MEI1: variants seen among roughly 807,000 people sequenced by gnomAD.
The protein encoded by MEI1 is meiotic double-stranded break formation protein 1.
Under a neutral mutation model 146.2 loss-of-function variants are expected in MEI1, and 103 were observed. That is an observed-to-expected ratio of 0.70 (90% confidence interval 0.60 to 0.83). MEI1 has a LOEUF of 0.83. MEI1 is among the 40% of genes least tolerant of loss of function. The probability of loss-of-function intolerance (pLI) is 0.00; values close to 1 mark genes in which losing one functional copy is unlikely to be tolerated. For synonymous variants in MEI1, 652 were observed against 628.2 expected (o/e 1.04, Z -0.57); for missense variants, 1,529 against 1,533.0 (o/e 1.00, Z 0.04).
At chr22:41,784,579 A>G in intron 25 of MEI1, 29 bp from the exon 26 acceptor site, 13 of 1,607,986 alleles carry the variant, frequency 8.1e-6, no homozygotes, top group Non-Finnish European at 1.1e-5. Flanking sequence ...GGAGACAGGA[A>G]TTGGGTGTAA....
At chr22:41,738,187 G>A (rs969504525) in intron 11 of MEI1, among the ~76,000 whole-genome samples, 3 of 152,122 alleles carry the variant, frequency 2.0e-5, no homozygotes, top group African/African-American at 7.2e-5. Flanking sequence ...AGGCACAGTG[G>A]CTCATGCCTG....
chr22:41,757,747 ATGTG>A (rs1230553570), intron 17 of MEI1, among the ~76,000 whole-genome samples: 2 of 152,090 alleles, frequency 1.3e-5, no homozygotes, highest in Non-Finnish European at 2.9e-5. Context: ...CTGTCTCATT[ATGTG>A]TCTCTTCCCA....
At chr22:41,709,037 G>A (rs1442846327) in intron 3 of MEI1, among the ~76,000 whole-genome samples, 3 of 152,304 alleles carry the variant, frequency 2.0e-5, no homozygotes, top group Admixed American at 2.0e-4. Context: ...CCCCACATCA[G>A]TCCAGCTGTG....
At chr22:41,798,972 A>G (rs1347305977) in intron 30 of MEI1, among the ~76,000 whole-genome samples, 1 of 151,644 alleles carries the variant, frequency 6.6e-6, no homozygotes, top group Non-Finnish European at 1.5e-5. Context: ...CAGTCCAGAG[A>G]TACTGCAGTC....
chr22:41,714,326 G>T (rs986284463), intron 4 of MEI1, among the ~76,000 whole-genome samples: 2 of 152,018 alleles, frequency 1.3e-5, no homozygotes, highest in African/African-American at 2.4e-5. Flanking sequence ...CATCTTTCTG[G>T]CATAATCATC....
At chr22:41,784,813 C>T in intron 26 of MEI1, 30 bp downstream of exon 26, 1 of 1,539,872 alleles carries the variant, frequency 6.5e-7, no homozygotes, top group Non-Finnish European at 8.8e-7. Flanking sequence ...GGGCTTGCTT[C>T]TCCCAGGACA....
Position 41,754,063 on chromosome 22 carries a change from T to C in MEI1, c.1951+17T>C. 6.4e-7 allele frequency: 1 copy of C among 1,569,260 alleles called. No individual in the cohort carries two copies. The highest frequency in any genetic ancestry group is 8.8e-7 in the Non-Finnish European group (1 of 1,139,494). On this transcript the variant is annotated intron_variant, in intron 17 of 30. Coordinates refer to ENST00000401548, the MANE Select transcript of MEI1 (RefSeq NM_152513.4). ...CCAAAGAAGGTAAGATGCTACAATT[T>C]GACCACTCATGTGGCCTGTGCTGGT...
chr22:41,721,098 A>G (rs930521988), intron 6 of MEI1, among the ~76,000 whole-genome samples: 1 of 149,522 alleles, frequency 6.7e-6, no homozygotes, highest in African/African-American at 2.5e-5. Flanking sequence ...TATTTTTAGT[A>G]GAGATGGGGT....
Position 41,716,072 on chromosome 22 carries a change from T to C in MEI1, c.455T>C (p.Leu152Pro). The stretch of plus-strand genomic sequence containing the variant: ...AACATGCCCTCCATGCGAGGCAGCC[T>C]GGCCACCCTGACCCTTCTTGGCAAG... Reference protein sequence around the residue: ...LCNMPSMRGSLATLTLLGKLV... With the variant: ...LCNMPSMRGSPATLTLLGKLV... The change falls in exon 5 of 31, where the codon CTG becomes CCG. Residue 152 changes from leucine to proline, a missense_variant. Leu to Pro is a moderately conservative substitution (Grantham distance 98). Around this residue, in one of 3 missense-constraint regions of MEI1, gnomAD observed 1,212 missense variants for 1,178.9 expected, o/e 1.03. Coordinates refer to ENST00000401548, the MANE Select transcript of MEI1 (RefSeq NM_152513.4). The C allele has an allele frequency of 6.2e-7, 1 of 1,611,834 alleles. No homozygotes were observed. Among genetic ancestry groups the C allele is most frequent in the Non-Finnish European group, 8.5e-7 (1 of 1,179,038 alleles).
At chr22:41,774,131 CTGTT>C (rs1008544425) in intron 20 of MEI1, 9 of 152,224 alleles carry the variant, frequency 5.9e-5, no homozygotes, top group African/African-American at 1.2e-4. Context: ...CACAGAAACT[CTGTT>C]TGTTTCCTCT....
chr22:41,770,837 G>C lies in MEI1; in HGVS notation c.2420G>C (p.Trp807Ser), dbSNP rs1051458754. 3.7e-6 allele frequency: 6 copies of C among 1,613,966 alleles called. No homozygotes were observed. The highest frequency in any genetic ancestry group is 5.1e-6 in the Non-Finnish European group (6 of 1,179,896). ...GHRVLELWFF[W>S]EESSYEELDD... The stretch of plus-strand genomic sequence containing the variant: ...CGTGTCCTGGAACTTTGGTTCTTCT[G>C]GGAAGAGAGCAGCTATGAGGAACTG... Residue 807 changes from tryptophan to serine, a missense_variant, in exon 20 of 31, where the codon TGG (tryptophan) becomes TCG (serine). Trp to Ser is a radical substitution (Grantham distance 177). Coordinates refer to ENST00000401548, the MANE Select transcript of MEI1 (RefSeq NM_152513.4).
chr22:41,771,516 A>C (rs982200019), intron 20 of MEI1, among the ~76,000 whole-genome samples: 1 of 151,394 alleles, frequency 6.6e-6, no homozygotes, highest in African/African-American at 2.4e-5. Flanking sequence ...GCTCACTGCA[A>C]CCTCCACCTC....
intron 17 of MEI1, among the ~76,000 whole-genome samples, chr22:41,756,390 G>C (rs1486922900): frequency 6.6e-6 from 1 of 152,014 alleles, no homozygotes; most frequent in Non-Finnish European, 1.5e-5. Flanking sequence ...ACCTGCCTTG[G>C]ACTCCAAAGT....
chr22:41,725,173 G>A (rs1174260744), intron 7 of MEI1, among the ~76,000 whole-genome samples: 3 of 151,338 alleles, frequency 2.0e-5, no homozygotes, highest in African/African-American at 4.9e-5. Flanking sequence ...GTGCAGTGGC[G>A]TGATCTTGGC....
intron 26 of MEI1, among the ~76,000 whole-genome samples, chr22:41,793,614 C>A (rs139052306): frequency 6.5e-4 from 99 of 152,298 alleles, no homozygotes; most frequent in African/African-American, 2.2e-3. Context: ...AAGCACTCTC[C>A]TGAATGTAGG....
At chr22:41,799,060 G>A (rs369797558) in intron 30 of MEI1, among the ~76,000 whole-genome samples, 194 bp from the exon 31 acceptor site, 1 of 152,082 alleles carries the variant, frequency 6.6e-6, no homozygotes, top group African/African-American at 2.4e-5. Flanking sequence ...TGCCCCTTCC[G>A]TGCAATAGTT....
intron 5 of MEI1, 81 bp from the exon 6 acceptor site, chr22:41,717,990 G>C: frequency 8.5e-7 from 1 of 1,175,518 alleles, no homozygotes; most frequent in Non-Finnish European, 1.2e-6. Flanking sequence ...TTACTACCCC[G>C]TTAGGAATAA....
intron 6 of MEI1, among the ~76,000 whole-genome samples, chr22:41,720,902 G>C (rs1453209612): frequency 6.6e-6 from 1 of 151,968 alleles, no homozygotes; most frequent in Admixed American, 6.6e-5. Context: ...CTCCCGAATA[G>C]CTGGGACTAC....
chr22:41,756,688 G>T (rs2074112003), intron 17 of MEI1, among the ~76,000 whole-genome samples: 4 of 152,206 alleles, frequency 2.6e-5, no homozygotes, highest in Admixed American at 2.0e-4. Flanking sequence ...TGGCCAGGCT[G>T]GTCTCGAACT....
Sources: allele counts gnomAD v4.1 joint callset (sites outside exome capture counted in the v4.1 genomes callset), GRCh38; gene constraint gnomAD v4.1.1; regional missense constraint gnomAD v4.1.1; transcripts MANE v1.5; gene names NCBI Gene and HGNC (gene_info 2026-07-23, HGNC 2026-07-21).